Variants in MLLT10 observed in about 807,000 individuals in gnomAD.
The protein encoded by MLLT10 is protein AF-10.
Under a neutral mutation model 129.1 loss-of-function variants are expected in MLLT10, and 30 were observed. The ratio of observed to expected loss-of-function variants is 0.23; its 90% CI spans 0.17 to 0.32. The LOEUF is 0.32. MLLT10 is among the 10% of genes least tolerant of loss of function. The pLI is 1.00. For synonymous variants in MLLT10, 490 were observed against 446.4 expected, an observed-to-expected ratio of 1.10 and a Z score of -1.23; for missense variants, 1,119 against 1,268.3, an observed-to-expected ratio of 0.88 and a Z score of 1.79.
rs143245682 is a variant in MLLT10 at position 21,612,029 on chromosome 10, G to A, written c.406-319G>A. On this transcript the variant is annotated intron_variant, in intron 5 of 22. Transcript: ENST00000307729. Reference sequence around the variant, plus strand: ...ATCAGTCTTGATGACAAGGTGTTGGGAAGAAGAGGTGTGGTAGATTGTGTC... The same window carrying A: ...ATCAGTCTTGATGACAAGGTGTTGGAAAGAAGAGGTGTGGTAGATTGTGTC... Among the ~76,000 whole-genome samples, 72 of 152,288 alleles carry A rather than the reference G, an allele frequency of 4.7e-4. 2 individuals carry two copies. In the East Asian group the frequency reaches 0.013, roughly 27 times the overall value.
At chr10:21,595,047 A>G (rs888350049) in intron 4 of MLLT10, among the ~76,000 whole-genome samples, 1 of 152,188 alleles carries the variant, frequency 6.6e-6, no homozygotes, top group Non-Finnish European at 1.5e-5. Context: ...CTGAATATTT[A>G]GTCTGCCTGT....
chr10:21,641,223 A>G (rs1042187948), intron 8 of MLLT10, among the ~76,000 whole-genome samples: 2 of 152,244 alleles, frequency 1.3e-5, no homozygotes, highest in Non-Finnish European at 2.9e-5. Flanking sequence ...GTATGTAATT[A>G]CAGAGAATGA....
intron 8 of MLLT10, chr10:21,625,766 C>A: frequency 1.3e-6 from 1 of 767,818 alleles, no homozygotes. Flanking sequence ...TCATAGCTGT[C>A]ACAGTTTCAC....
At chr10:21,549,312 A>G (rs1299387178) in intron 3 of MLLT10, among the ~76,000 whole-genome samples, 10 of 151,750 alleles carry the variant, frequency 6.6e-5, no homozygotes, top group Non-Finnish European at 1.2e-4. Context: ...TTTAGTAGAG[A>G]TGGGGTTTCA....
In MLLT10 at chr10:21,614,842, C is replaced by T. The variant is rs866914656; in HGVS notation, c.521C>T (p.Ala174Val). 6.2e-7 allele frequency: 1 copy of T among 1,611,348 alleles called. No homozygotes were observed. The highest frequency in any genetic ancestry group is 8.5e-7 in the Non-Finnish European group (1 of 1,179,108). Residue 174 changes from alanine to valine, a missense_variant, in exon 7 of 23, where the codon GCC becomes GTC. This residue lies in a region of MLLT10 where 44 missense variants were observed against 114.3 expected (regional missense o/e 0.38). Transcript: ENST00000307729. ...QAFHVTCAQF[A>V]GLLCEEEGNG... ...GCTTTTATTTTCAGCGCTCAGTTTG[C>T]CGGACTGCTTTGTGAAGAAGAAGGT...
intron 8 of MLLT10, among the ~76,000 whole-genome samples, chr10:21,649,639 C>T (rs922100405): frequency 6.6e-6 from 1 of 152,176 alleles, no homozygotes; most frequent in African/African-American, 2.4e-5. Flanking sequence ...TGGCTATAGG[C>T]TAGAGTACCT....
At chr10:21,600,034 T>G (rs571456695) in intron 5 of MLLT10, among the ~76,000 whole-genome samples, 2 of 152,232 alleles carry the variant, frequency 1.3e-5, no homozygotes, top group Non-Finnish European at 2.9e-5. Context: ...AGTCAACTTT[T>G]TCAACACTAT....
At chr10:21,580,709 T>A (rs1417537159) in intron 3 of MLLT10, among the ~76,000 whole-genome samples, 1 of 151,660 alleles carries the variant, frequency 6.6e-6, no homozygotes, top group African/African-American at 2.4e-5. Flanking sequence ...TATTTTCTTT[T>A]CTTTTTTTTT....
chr10:21,662,823 G>C (rs1027963861), intron 9 of MLLT10, among the ~76,000 whole-genome samples: 9 of 152,186 alleles, frequency 5.9e-5, no homozygotes, highest in African/African-American at 2.2e-4. Flanking sequence ...AGTGAATTGT[G>C]GGGAACAGGA....
intron 14 of MLLT10, among the ~76,000 whole-genome samples, chr10:21,723,869 G>A (rs545901540): frequency 2.0e-5 from 3 of 152,292 alleles, no homozygotes; most frequent in South Asian, 2.1e-4. Context: ...GATCTGAGAC[G>A]TCAACAGATG....
intron 8 of MLLT10, among the ~76,000 whole-genome samples, chr10:21,644,165 A>G (rs895568258): frequency 6.6e-6 from 1 of 151,890 alleles, no homozygotes; most frequent in African/African-American, 2.4e-5. Context: ...TTTATTTGGC[A>G]TGGGGACAGT....
rs772985176 is a variant in MLLT10, at chr10:21,740,035, A to T, written c.2961A>T (p.Gln987His). Residue 987 changes from glutamine (Q) to histidine (H), a missense_variant, in exon 22 of 23, where the codon CAA (glutamine) becomes CAT (histidine). By Grantham distance (24) the Gln-to-His change is conservative. Coordinates refer to ENST00000307729, the MANE Select transcript of MLLT10 (RefSeq NM_001195626.3). ...TCACATGTTTTTTGCCTAAGGAACA[A>T]CATCAAGCCTTTTTGTATCAGTTAA... The part of the protein sequence containing the change: ...LLNSQQLTPE[Q>H]HQAFLYQLMQ... 20 of 1,602,936 alleles carry T rather than the reference A, an allele frequency of 1.2e-5. No individual in the cohort carries two copies. The highest frequency in any genetic ancestry group is 1.2e-4 in the Admixed American group (7 of 57,928).
chr10:21,689,658 TATA>T (rs1160768692), intron 13 of MLLT10, among the ~76,000 whole-genome samples: 16 of 142,974 alleles, frequency 1.1e-4, no homozygotes, highest in African/African-American at 3.9e-4. Context: ...TATATATATA[TATA>T]TTTTTTTTTT....
chr10:21,660,886 A>T (rs2131347464), intron 9 of MLLT10, among the ~76,000 whole-genome samples: 1 of 151,758 alleles, frequency 6.6e-6, no homozygotes, highest in Middle Eastern at 3.4e-3. Flanking sequence ...AAAAAAAAAA[A>T]AAAAAAAGAT....
chr10:21,692,433 T>C (rs2053957833), intron 13 of MLLT10, among the ~76,000 whole-genome samples: 1 of 151,886 alleles, frequency 6.6e-6, no homozygotes, highest in African/African-American at 2.4e-5. Flanking sequence ...GCTTCCCAAA[T>C]TGCTGGGATT....
At chr10:21,707,172 G>A (rs373849148) in intron 13 of MLLT10, among the ~76,000 whole-genome samples, 1 of 148,944 alleles carries the variant, frequency 6.7e-6, no homozygotes, top group East Asian at 2.0e-4. Flanking sequence ...AATCTAATTT[G>A]TCATCAAGTT....
chr10:21,742,636 G>A lies in MLLT10; in HGVS notation c.*653G>A, dbSNP rs992142827. The A allele has an allele frequency of 1.3e-5, 3 of 222,304 alleles. No homozygotes were observed. The highest frequency in any genetic ancestry group is 3.7e-4 in the South Asian group (2 of 5,444). The allele number at this position is 222,304 out of a possible 1,614,324, so 13.8% of individuals were successfully genotyped here. A position where few individuals can be genotyped will look rare whatever the true frequency, so the allele number is the denominator to read the frequency against. On this transcript the variant is annotated 3_prime_UTR_variant, in exon 23 of 23. Coordinates refer to ENST00000307729, the MANE Select transcript of MLLT10 (RefSeq NM_001195626.3). The stretch of plus-strand genomic sequence containing the variant: ...TTTCTTTTGAGAATTGCTTTCTTTA[G>A]TGTTAAGACCTACTCATATTTTGAA...
At chr10:21,578,802 CTGTT>C (rs1163059586) in intron 3 of MLLT10, among the ~76,000 whole-genome samples, 2 of 152,116 alleles carry the variant, frequency 1.3e-5, no homozygotes, top group South Asian at 2.1e-4. Context: ...TATATCACCT[CTGTT>C]TGTTGTCAGT....
chr10:21,742,337 C>T lies in MLLT10; in HGVS notation c.*354C>T, dbSNP rs1699229224. 3.9e-6 allele frequency: 1 copy of T among 253,952 alleles called. No individual in the cohort carries two copies. The highest frequency in any genetic ancestry group is 1.6e-4 in the South Asian group (1 of 6,070). 15.7% of individuals were successfully genotyped at this position (253,952 alleles called of 1,614,324 possible). On this transcript the variant is annotated 3_prime_UTR_variant, in exon 23 of 23. Coordinates refer to ENST00000307729, the MANE Select transcript of MLLT10 (RefSeq NM_001195626.3). The stretch of plus-strand genomic sequence containing the variant: ...GTTTATAAATTGGAGATGCAAATAG[C>T]AAAACTAAATACTTGCTCCATTTAC...
Sources: allele counts gnomAD v4.1 joint callset (sites outside exome capture counted in the v4.1 genomes callset), GRCh38; gene constraint gnomAD v4.1.1; regional missense constraint gnomAD v4.1.1; transcripts MANE v1.5; gene names NCBI Gene and HGNC (gene_info 2026-07-23, HGNC 2026-07-21).